PTPRN2: variants seen among roughly 807,000 people sequenced by gnomAD.
PTPRN2 encodes the protein receptor-type tyrosine-protein phosphatase N2.
PTPRN2 carries 74 observed loss-of-function variants against 118.8 expected under a neutral mutation model. That is an observed-to-expected ratio of 0.62 (90% CI 0.52 to 0.76). PTPRN2 has a LOEUF of 0.76. Ranked by LOEUF, PTPRN2 falls within the 30% of genes least tolerant of loss-of-function variation. The pLI, the probability that PTPRN2 is intolerant of heterozygous loss-of-function variation, is 0.00. For synonymous variants in PTPRN2, 641 were observed against 608.0 expected, an observed-to-expected ratio of 1.05 and a Z score of -0.80; for missense variants, 1,481 against 1,394.4, an observed-to-expected ratio of 1.06 and a Z score of -0.99.
At chr7:158,008,361 C>A (rs1451067003) in intron 11 of PTPRN2, among the ~76,000 whole-genome samples, 2 of 152,194 alleles carry the variant, frequency 1.3e-5, no homozygotes, top group Non-Finnish European at 2.9e-5. Context: ...GAGTGAGACA[C>A]CAAAACGCAG....
chr7:157,866,830 G>GC (rs1174190183), intron 12 of PTPRN2, among the ~76,000 whole-genome samples: 225 of 7,434 alleles, frequency 0.03, 17 homozygotes, highest in Admixed American at 0.055. Context: ...GGCCACCACC[G>GC]CCCCCCCCCG....
At position 157,585,664 on chromosome 7, in the gene PTPRN2, G is replaced by A. The variant is rs1353806358; in HGVS notation, c.2497-7524C>T. Among the ~76,000 whole-genome samples, 1 of 152,196 alleles carries A rather than the reference G, an allele frequency of 6.6e-6. No individual in the cohort carries two copies. Among genetic ancestry groups the A allele is most frequent in the Non-Finnish European group, 1.5e-5 (1 of 68,038 alleles). ...TCTCCTTGCGGGGAGCTGCTGCACT[G>A]GGCGGCCTTTCCTTTTCAAGATCAG... On this transcript the variant is annotated intron_variant, in intron 17 of 22. Coordinates refer to ENST00000389418, the MANE Select transcript of PTPRN2 (RefSeq NM_002847.5). This position sits in a 1 kb window ranked among gnomAD's most constrained non-coding sequence, Gnocchi z 5.2.
At chr7:157,824,628 G>A (rs573196862) in intron 12 of PTPRN2, among the ~76,000 whole-genome samples, 6 of 152,272 alleles carry the variant, frequency 3.9e-5, no homozygotes, top group East Asian at 3.9e-4. Context: ...GCCCCATTCC[G>A]GAGGGACATG....
chr7:157,695,534 T>C (rs1797723316), intron 12 of PTPRN2, among the ~76,000 whole-genome samples: 1 of 152,216 alleles, frequency 6.6e-6, no homozygotes, highest in Non-Finnish European at 1.5e-5. Flanking sequence ...CATGCATATA[T>C]TTAAAGAAAA....
At chr7:157,889,068 A>C (rs995093) in intron 12 of PTPRN2, among the ~76,000 whole-genome samples, 97,385 of 152,056 alleles carry the variant, frequency 0.64, 32,215 homozygotes, top group East Asian at 0.78. Context: ...AGTCAGAAAT[A>C]ATATAAAAAC....
chr7:157,977,580 G>A lies in PTPRN2; in HGVS notation c.1724-78843C>T, dbSNP rs1802847439. ...TGTACAAGGCCCCAGGTGGGATGAC[G>A]TGAGAAGGCCCCAGGTGGGATGACG... is the stretch of plus-strand genomic sequence containing the variant. On this transcript the variant is annotated intron_variant, in intron 11 of 22. Transcript: ENST00000389418. The surrounding 1 kb of genome is among the most constrained non-coding windows in gnomAD (Gnocchi z 4.6). 1.3e-5 allele frequency among the ~76,000 whole-genome samples: 2 copies of A among 150,050 alleles called. No homozygotes were observed. The highest frequency in any genetic ancestry group is 1.5e-5 in the Non-Finnish European group (1 of 67,482).
At chr7:157,724,540 A>T (rs1380153066) in intron 12 of PTPRN2, among the ~76,000 whole-genome samples, 1 of 152,214 alleles carries the variant, frequency 6.6e-6, no homozygotes, top group Non-Finnish European at 1.5e-5. Flanking sequence ...AACCCGGTGC[A>T]AGTCGAAATG....
At chr7:158,583,188 AC>A (rs1442827591) in intron 1 of PTPRN2, among the ~76,000 whole-genome samples, 1 of 152,114 alleles carries the variant, frequency 6.6e-6, no homozygotes, top group Non-Finnish European at 1.5e-5. Flanking sequence ...GACAAAACAA[AC>A]CCAGAATGCA....
rs542133626 is a variant in PTPRN2 at position 158,145,885 on chromosome 7, A to G, written c.911-7370T>C. Among the ~76,000 whole-genome samples the G allele has an allele frequency of 1.1e-4, 16 of 152,302 alleles. No homozygotes were observed. The East Asian group carries it at 2.9e-3, about 28-fold the overall frequency. The stretch of plus-strand genomic sequence containing the variant: ...ACCATGCTCCCGGAGTCTTGGCCCC[A>G]GCGCTCATGGTCTGTGGTTTGGGGC... On this transcript the variant is annotated intron_variant, in intron 6 of 22. Coordinates refer to ENST00000389418, the MANE Select transcript of PTPRN2 (RefSeq NM_002847.5).
At position 157,903,466 on chromosome 7, in the gene PTPRN2, TAAAATAAAA is replaced by T. The variant is rs1490116351; in HGVS notation, c.1724-4738_1724-4730del. 6.6e-6 allele frequency among the ~76,000 whole-genome samples: 1 copy of T among 152,058 alleles called. No homozygotes were observed. The highest frequency in any genetic ancestry group is 1.5e-5 in the Non-Finnish European group (1 of 68,028). ...AGCCTGCACATGTACTCCCAGATTCTAAAATAAAAGCTGAAAATTAAAAATACGGATAAG... is the reference window on the plus strand; with the variant it reads ...AGCCTGCACATGTACTCCCAGATTCTGCTGAAAATTAAAAATACGGATAAG... On this transcript the variant is annotated intron_variant, in intron 11 of 22. Coordinates refer to ENST00000389418, the MANE Select transcript of PTPRN2 (RefSeq NM_002847.5). This position sits in a 1 kb window ranked among gnomAD's most constrained non-coding sequence, Gnocchi z 4.2.
intron 12 of PTPRN2, among the ~76,000 whole-genome samples, chr7:157,772,313 A>G (rs1396738904): frequency 4.0e-5 from 6 of 151,582 alleles, no homozygotes; most frequent in African/African-American, 1.2e-4. Context: ...ACAGACACAC[A>G]TAGACACAGA....
At position 158,446,259 on chromosome 7, in the gene PTPRN2, T is replaced by C. The variant is rs1817720579; in HGVS notation, c.163+43476A>G. ...TGAATGTGTGAGAGACAGAGAAAAA[T>C]TACCCCCAATCTATAAGCTATAGGT... On this transcript the variant is annotated intron_variant, in intron 2 of 22. Transcript: ENST00000389418. 2.6e-5 allele frequency among the ~76,000 whole-genome samples: 4 copies of C among 152,136 alleles called. No individual in the cohort carries two copies. In the South Asian group the frequency reaches 8.3e-4, roughly 32 times the overall value.
intron 1 of PTPRN2, among the ~76,000 whole-genome samples, chr7:158,564,145 C>A (rs1252872631): frequency 1.3e-5 from 2 of 152,210 alleles, no homozygotes; most frequent in Admixed American, 1.3e-4. Context: ...TACCTCCACA[C>A]AAAGACCTAC....
At chr7:157,812,876 C>T (rs940992932) in intron 12 of PTPRN2, among the ~76,000 whole-genome samples, 1 of 152,076 alleles carries the variant, frequency 6.6e-6, no homozygotes, top group African/African-American at 2.4e-5. Flanking sequence ...GTTGTGCAAA[C>T]CGGGGTTAGG....
At chr7:158,083,872 C>T (rs544395462) in intron 10 of PTPRN2, among the ~76,000 whole-genome samples, 2 of 151,148 alleles carry the variant, frequency 1.3e-5, no homozygotes, top group South Asian at 2.1e-4. Context: ...GAGCTGTCTC[C>T]GGAGGAGACT....
intron 22 of PTPRN2, among the ~76,000 whole-genome samples, chr7:157,541,443 CCAGTG>C (rs1401911230): frequency 6.6e-6 from 1 of 152,242 alleles, no homozygotes. Context: ...CCGAGAGCAT[CCAGTG>C]GGCACGAGGG....
intron 11 of PTPRN2, among the ~76,000 whole-genome samples, chr7:157,966,910 C>T (rs1021507717): frequency 2.0e-5 from 3 of 152,232 alleles, no homozygotes; most frequent in African/African-American, 7.2e-5. Flanking sequence ...TCTTCATCAC[C>T]ACTCTCATCA....
intron 11 of PTPRN2, among the ~76,000 whole-genome samples, chr7:157,972,739 C>T (rs11769044): frequency 0.12 from 11,185 of 91,502 alleles, 41 homozygotes; most frequent in Middle Eastern, 0.17. Flanking sequence ...TCAGAGACCA[C>T]GGGCACTCCA....
intron 2 of PTPRN2, among the ~76,000 whole-genome samples, chr7:158,440,490 T>C (rs1791673165): frequency 6.6e-6 from 1 of 150,964 alleles, no homozygotes; most frequent in South Asian, 2.1e-4. Context: ...ATGATGGTGG[T>C]GATGGTAGTG....
Sources: gnomAD v4.1 joint callset for allele counts (sites outside exome capture counted in the v4.1 genomes callset) on GRCh38, gnomAD v4.1.1 for gene constraint, Gnocchi (gnomAD v3.1) non-coding constraint, MANE v1.5 for transcripts, NCBI Gene and HGNC (gene_info 2026-07-23, HGNC 2026-07-21) for gene names.